SLC4A8: variants seen among roughly 807,000 people sequenced by gnomAD.
SLC4A8 encodes electroneutral sodium bicarbonate exchanger 1.
Under a neutral mutation model 125.0 loss-of-function variants are expected in SLC4A8, and 40 were observed. The ratio of observed to expected loss-of-function variants is 0.32; its 90% confidence interval spans 0.25 to 0.42. The LOEUF (loss-of-function observed/expected upper bound fraction) is 0.42, where lower values mean the gene tolerates loss of function less well. SLC4A8 is among the 10% of genes least tolerant of loss of function. SLC4A8 has a pLI of 1.00. For synonymous variants in SLC4A8, 456 were observed against 476.0 expected, an observed-to-expected ratio of 0.96 and a Z score of 0.55; for missense variants, 863 against 1,355.1, an observed-to-expected ratio of 0.64 and a Z score of 5.70.
At chr12:51,461,163 A>C (rs777478513) in intron 8 of SLC4A8, 41 bp from the exon 9 acceptor site, 1 of 1,044,442 alleles carries the variant, frequency 9.6e-7, no homozygotes, top group South Asian at 1.3e-5. Context: ...GCACTTCTTT[A>C]TATTTACTTA....
At chr12:51,396,701 G>T (rs752249857) in intron 1 of SLC4A8, among the ~76,000 whole-genome samples, 34 of 149,554 alleles carry the variant, frequency 2.3e-4, no homozygotes, top group Non-Finnish European at 4.4e-4. Context: ...AAAAAGACTA[G>T]TTTCCTTCTA....
At position 51,416,211 on chromosome 12, in the gene SLC4A8, G is replaced by GTTTTTTTTTTT. The variant is rs57565585; in HGVS notation, c.-111-24486_-111-24476dup. On this transcript the variant is annotated intron_variant, in intron 1 of 24. Transcript: ENST00000358657. ...TTTGCCTGTTTGATGGAGGTCTTTT[G>GTTTTTTTTTTT]TTTTTTTTTTTTTTTTTTTTTGAGA... Among the ~76,000 whole-genome samples, 265 of 82,004 alleles carry GTTTTTTTTTTT rather than the reference G, an allele frequency of 3.2e-3. 11 individuals are homozygous for GTTTTTTTTTTT. Among genetic ancestry groups the GTTTTTTTTTTT allele is most frequent in the Middle Eastern group, 0.022 (2 of 92 alleles). 53.8% of individuals were successfully genotyped at this position (82,004 alleles called of 152,430 possible).
In SLC4A8 at chr12:51,510,010, CT is replaced by C. The variant is rs1433365550; in HGVS notation, c.*2575del. 6.6e-6 allele frequency: 1 copy of C among 152,314 alleles called. No individual in the cohort carries two copies. The highest frequency in any genetic ancestry group is 1.5e-5 in the Non-Finnish European group (1 of 68,082). 9.4% of individuals were successfully genotyped at this position (152,314 alleles called of 1,614,324 possible). On this transcript the variant is annotated 3_prime_UTR_variant, in exon 25 of 25. Coordinates refer to ENST00000453097, the MANE Select transcript of SLC4A8 (RefSeq NM_001039960.3). Reference sequence around the variant, plus strand: ...TTGCCTCCGTACAGTTGCAGTTCACCTTTGTGCATGGTGATTACCAGTCACT... The same window carrying C: ...TTGCCTCCGTACAGTTGCAGTTCACCTTGTGCATGGTGATTACCAGTCACT...
At chr12:51,456,516 T>G (rs1253029622) in intron 5 of SLC4A8, among the ~76,000 whole-genome samples, 1 of 152,204 alleles carries the variant, frequency 6.6e-6, no homozygotes, top group Non-Finnish European at 1.5e-5. Flanking sequence ...TACTGATAGG[T>G]AAAGTGCCTA....
At chr12:51,469,821 A>T (rs780261646) in intron 12 of SLC4A8, 33 bp downstream of exon 12, 1 of 1,604,428 alleles carries the variant, frequency 6.2e-7, no homozygotes, top group Non-Finnish European at 8.5e-7. Context: ...AATGATCCCA[A>T]ACAAGACCTA....
intron 16 of SLC4A8, among the ~76,000 whole-genome samples, chr12:51,480,986 A>G (rs769772619): frequency 7.9e-5 from 12 of 152,200 alleles, no homozygotes; most frequent in Admixed American, 2.0e-4. Flanking sequence ...TTTAAGTGTG[A>G]TAGGGCCAAG....
chr12:51,471,355 T>G lies in SLC4A8; in HGVS notation c.1727T>G (p.Val576Gly). Residue 576 changes from valine to glycine, a missense_variant, in exon 14 of 25, where the codon GTC (valine) becomes GGC (glycine). Transcript: ENST00000453097. ...CTGTGGACCGCTTTCCTGTGTATTGTCCTTGTGGCAACTGATGCCAGTTCC... is the reference window on the plus strand; with the variant it reads ...CTGTGGACCGCTTTCCTGTGTATTGGCCTTGTGGCAACTGATGCCAGTTCC... ...IGLWTAFLCIVLVATDASSLV... is the reference protein window; with the variant it reads ...IGLWTAFLCIGLVATDASSLV... 6.2e-7 allele frequency: 1 copy of G among 1,614,108 alleles called. No homozygotes were observed. Among genetic ancestry groups the G allele is most frequent in the Non-Finnish European group, 8.5e-7 (1 of 1,179,982 alleles).
chr12:51,443,553 G>C (rs1406214413), intron 2 of SLC4A8, among the ~76,000 whole-genome samples: 1 of 152,130 alleles, frequency 6.6e-6, no homozygotes, highest in African/African-American at 2.4e-5. Context: ...AGTTGCTTTA[G>C]TTAGAGGGAT....
chr12:51,423,012 C>T (rs904387843), upstream of SLC4A8, among the ~76,000 whole-genome samples: 10 of 152,202 alleles, frequency 6.6e-5, no homozygotes, highest in African/African-American at 2.4e-4. Context: ...TCTGCCTCTA[C>T]AGTGTTACTT....
intron 22 of SLC4A8, among the ~76,000 whole-genome samples, chr12:51,501,048 C>T (rs949363063): frequency 9.9e-5 from 15 of 152,160 alleles, no homozygotes; most frequent in African/African-American, 3.4e-4. Context: ...CCAGGATGGT[C>T]TCGATCTCCT....
Position 51,507,699 on chromosome 12 carries a change from T to G in SLC4A8, c.*261T>G. The G allele has an allele frequency of 2.9e-6, 1 of 348,528 alleles. No homozygotes were observed. The highest frequency in any genetic ancestry group is 5.2e-6 in the Non-Finnish European group (1 of 192,850). The allele number at this position is 348,528 out of a possible 1,614,324, so 21.6% of individuals were successfully genotyped here. On this transcript the variant is annotated 3_prime_UTR_variant, in exon 25 of 25. Transcript: ENST00000453097. ...CTGTTGGTTCTTCTCCTCTTCCTTCTTTTTCTCTTTAGAACGGCCACCATT... is the reference window on the plus strand; with the variant it reads ...CTGTTGGTTCTTCTCCTCTTCCTTCGTTTTCTCTTTAGAACGGCCACCATT...
chr12:51,501,315 C>T lies in SLC4A8; in HGVS notation c.3082-2714C>T, dbSNP rs76926674. 1.1e-4 allele frequency among the ~76,000 whole-genome samples: 17 copies of T among 152,272 alleles called. No homozygotes were observed. The East Asian group carries it at 2.1e-3, about 19-fold the overall frequency. On this transcript the variant is annotated intron_variant, in intron 22 of 24. Transcript: ENST00000453097. ...GTTTTCCAACCCTTCCCCTGTCTTC[C>T]GCCTTTTGGAGTCCCCAGTGTTTTT...
chr12:51,427,847 C>G (rs1055253539), intron 1 of SLC4A8, among the ~76,000 whole-genome samples: 2 of 152,208 alleles, frequency 1.3e-5, no homozygotes, highest in Non-Finnish European at 2.9e-5. Flanking sequence ...TAAGACTACT[C>G]TCCACATGGC....
chr12:51,490,028 C>T (rs1342221216), intron 19 of SLC4A8, 77 bp downstream of exon 19: 2 of 1,376,996 alleles, frequency 1.5e-6, no homozygotes, highest in African/African-American at 1.4e-5. Context: ...GCTGGAAATA[C>T]AGTGGTGCCA....
chr12:51,476,498 A>G (rs1332248425), intron 16 of SLC4A8, among the ~76,000 whole-genome samples: 1 of 152,064 alleles, frequency 6.6e-6, no homozygotes, highest in Non-Finnish European at 1.5e-5. Flanking sequence ...AAAAAGTTAA[A>G]AAAAAAAAGA....
At chr12:51,482,283 A>G (rs965290242) in intron 16 of SLC4A8, among the ~76,000 whole-genome samples, 6 of 152,128 alleles carry the variant, frequency 3.9e-5, no homozygotes, top group African/African-American at 1.4e-4. Context: ...AGATATATCG[A>G]TTAAATAAAA....
intron 17 of SLC4A8, 124 bp from the exon 18 acceptor site, chr12:51,488,571 CTTTT>C (rs10706140): frequency 2.4e-4 from 121 of 507,682 alleles, no homozygotes; most frequent in South Asian, 3.8e-4. Flanking sequence ...TATTTCATGC[CTTTT>C]TTTTTTTTTT....
intron 1 of SLC4A8, among the ~76,000 whole-genome samples, chr12:51,438,982 A>C (rs1176738040): frequency 6.6e-6 from 1 of 152,142 alleles, no homozygotes; most frequent in African/African-American, 2.4e-5. Flanking sequence ...GTTATGTGAA[A>C]AGTCTGTGCT....
intron 15 of SLC4A8, chr12:51,474,707 T>C: frequency 1.7e-6 from 1 of 588,720 alleles, no homozygotes. Context: ...GATGAAACCA[T>C]GCAGGACAGG....
Sources: allele counts gnomAD v4.1 joint callset (sites outside exome capture counted in the v4.1 genomes callset), GRCh38; gene constraint gnomAD v4.1.1; transcripts MANE v1.5; gene names NCBI Gene and HGNC (gene_info 2026-07-23, HGNC 2026-07-21).